The following METTL22 variants were observed in gnomAD, a reference collection of about 807,000 sequenced individuals.
METTL22 encodes methyltransferase-like protein 22.
Under a neutral mutation model 48.4 loss-of-function variants are expected in METTL22, and 51 were observed. The ratio of observed to expected loss-of-function variants is 1.05; its 90% confidence interval spans 0.84 to 1.33. The LOEUF is 1.33. METTL22 is among the 40% of genes most tolerant of loss of function. The pLI, the probability that METTL22 is intolerant of heterozygous loss-of-function variation, is 0.00. For synonymous variants in METTL22, 255 were observed against 214.1 expected (o/e 1.19, Z -1.67); for missense variants, 678 against 526.9 (o/e 1.29, Z -2.81).
the METTL22 span, among the ~76,000 whole-genome samples, chr16:8,656,524 A>G: frequency 6.6e-6 from 1 of 152,246 alleles, no homozygotes; most frequent in Admixed American, 6.5e-5. Context: ...CTTGCAGAGT[A>G]AGATTCTCTG....
chr16:8,650,432 T>C (rs1221796931), downstream of METTL22, among the ~76,000 whole-genome samples: 1 of 152,272 alleles, frequency 6.6e-6, no homozygotes, highest in Non-Finnish European at 1.5e-5. Context: ...CTAGCCTCTC[T>C]GAACCTGAGT....
chr16:8,635,528 G>A (rs1258912534), intron 5 of METTL22, among the ~76,000 whole-genome samples: 1 of 152,176 alleles, frequency 6.6e-6, no homozygotes, highest in Non-Finnish European at 1.5e-5. Context: ...TCACCCAGTG[G>A]CTATAAGGCC....
intron 6 of METTL22, 79 bp downstream of exon 6, chr16:8,639,241 T>A: frequency 2.8e-6 from 4 of 1,412,978 alleles, no homozygotes; most frequent in African/African-American, 1.4e-5. Context: ...GACCATGACA[T>A]TGGGAGGCAG....
chr16:8,656,230 C>A, the METTL22 span, among the ~76,000 whole-genome samples: 1 of 152,174 alleles, frequency 6.6e-6, no homozygotes, highest in African/African-American at 2.4e-5. Flanking sequence ...TACAGGTGTG[C>A]ACCACTGTTC....
At chr16:8,652,320 G>A (rs777084159), downstream of METTL22, among the ~76,000 whole-genome samples, 2 of 151,632 alleles carry the variant, frequency 1.3e-5, no homozygotes, top group African/African-American at 4.8e-5. Context: ...TTAGCCGGGC[G>A]TGGTGGTGCA....
intron 6 of METTL22, chr16:8,639,670 C>G (rs1251783181): frequency 5.7e-6 from 1 of 176,932 alleles, no homozygotes; most frequent in Non-Finnish European, 1.2e-5. Flanking sequence ...CCAGGACTCA[C>G]TCACAGGCCA....
chr16:8,652,778 C>G (rs2056918505), downstream of METTL22, among the ~76,000 whole-genome samples: 1 of 152,070 alleles, frequency 6.6e-6, no homozygotes, highest in South Asian at 2.1e-4. Context: ...ATGGAAATAT[C>G]AGTAGGTAAC....
rs1371894226 is a variant in METTL22, at chr16:8,648,908, C to T, written c.*2765C>T. ...GAAGCTCTGGGGCCTACCACATAGCCCTCAACCTATTGCTGTTTTCTAAAA... is the reference window on the plus strand; with the variant it reads ...GAAGCTCTGGGGCCTACCACATAGCTCTCAACCTATTGCTGTTTTCTAAAA... On this transcript the variant is annotated 3_prime_UTR_variant, in exon 11 of 11. Coordinates refer to ENST00000381920, the MANE Select transcript of METTL22 (RefSeq NM_024109.4). 1 of 152,244 alleles carries T rather than the reference C, an allele frequency of 6.6e-6. No homozygotes were observed. The highest frequency in any genetic ancestry group is 2.4e-5 in the African/African-American group (1 of 41,450). The allele number at this position is 152,244 out of a possible 1,614,324, so 9.4% of individuals were successfully genotyped here. A position where few individuals can be genotyped will look rare whatever the true frequency, so the allele number is the denominator to read the frequency against.
chr16:8,629,442 T>G (rs1169523731), intron 3 of METTL22, among the ~76,000 whole-genome samples: 1 of 152,196 alleles, frequency 6.6e-6, no homozygotes, highest in South Asian at 2.1e-4. Flanking sequence ...TGCTGCTGCC[T>G]CCCACATCTG....
At chr16:8,652,993 C>T (rs540171553), downstream of METTL22, among the ~76,000 whole-genome samples, 27 of 152,320 alleles carry the variant, frequency 1.8e-4, no homozygotes, top group Non-Finnish European at 3.5e-4. Flanking sequence ...TAGATTAAAG[C>T]CTGTTGCATC....
rs2056611839 is a variant in METTL22, at chr16:8,641,348, C to T, written c.826+164C>T. The T allele has an allele frequency of 8.3e-6, 6 of 723,732 alleles. No homozygotes were observed. The Admixed American group carries it at 1.2e-4, about 15-fold the overall frequency. 44.8% of individuals were successfully genotyped at this position (723,732 alleles called of 1,614,324 possible). ...CCATTGGCCGATGAGCACCAGCTGT[C>T]ATTCTCTGAGCGCCTGCTGCATGCT... On this transcript the variant is annotated intron_variant, in intron 7 of 10. Transcript: ENST00000381920.
chr16:8,650,764 C>G (rs1040244154), downstream of METTL22, among the ~76,000 whole-genome samples: 8 of 152,328 alleles, frequency 5.3e-5, no homozygotes, highest in African/African-American at 1.9e-4. Flanking sequence ...GTGGCTCATG[C>G]GTGTAATCCC....
At chr16:8,638,847 A>G (rs1260510772) in intron 5 of METTL22, among the ~76,000 whole-genome samples, 4 of 151,938 alleles carry the variant, frequency 2.6e-5, no homozygotes, top group Admixed American at 6.6e-5. Flanking sequence ...GGGAGCTCAC[A>G]CTCCTTCCCT....
In METTL22 at chr16:8,647,666, TG is replaced by T. The variant is rs1472495244; in HGVS notation, c.*1524del. The T allele has an allele frequency of 6.6e-6, 1 of 152,242 alleles. No individual in the cohort carries two copies. The highest frequency in any genetic ancestry group is 1.5e-5 in the Non-Finnish European group (1 of 68,064). The allele number at this position is 152,242 out of a possible 1,614,324, so 9.4% of individuals were successfully genotyped here. ...GAGTAGCGCCGAGGCGGAGAAATCC[TG>T]ACTTGGAAGAAGAAAGCCAAGTACT... On this transcript the variant is annotated 3_prime_UTR_variant, in exon 11 of 11. Transcript: ENST00000381920.
At chr16:8,640,950 G>C (rs62030896) in intron 6 of METTL22, among the ~76,000 whole-genome samples, 181 bp from the exon 7 acceptor site, 8,122 of 33,330 alleles carry the variant, frequency 0.24, 1,176 homozygotes, top group Middle Eastern at 0.37. Flanking sequence ...GGATGGGTGG[G>C]TGGATGGCTG....
At chr16:8,637,724 A>G (rs967914550) in intron 5 of METTL22, among the ~76,000 whole-genome samples, 3 of 152,192 alleles carry the variant, frequency 2.0e-5, no homozygotes, top group Admixed American at 6.5e-5. Flanking sequence ...TGGCCGAGGG[A>G]TGCTGGGGAG....
In METTL22 at chr16:8,629,090, C is replaced by T. The variant is rs763287711; in HGVS notation, c.494C>T (p.Pro165Leu). The change falls in exon 3 of 11, where the codon CCG (proline) becomes CTG (leucine). Residue 165 changes from proline (P) to leucine (L), a missense_variant. Pro to Leu is a moderately conservative substitution (Grantham distance 98). Transcript: ENST00000381920. ...DVLGEEAQGSPHDIIRIEHTM... is the reference protein window; with the variant it reads ...DVLGEEAQGSLHDIIRIEHTM... ...CTGGGAGAGGAAGCACAAGGCAGCC[C>T]GCACGATATCATCAGAATAGGTAAA... 3.0e-5 allele frequency: 49 copies of T among 1,613,158 alleles called. No homozygotes were observed. Among genetic ancestry groups the T allele is most frequent in the Admixed American group, 5.0e-5 (3 of 59,994 alleles).
chr16:8,622,862 C>G (rs1048649742), intron 1 of METTL22, among the ~76,000 whole-genome samples: 1 of 152,088 alleles, frequency 6.6e-6, no homozygotes, highest in Non-Finnish European at 1.5e-5. Context: ...CTTGGGAAGC[C>G]TGGTTGGGTT....
At chr16:8,654,892 A>G in the METTL22 span, among the ~76,000 whole-genome samples, 1 of 152,190 alleles carries the variant, frequency 6.6e-6, no homozygotes, top group Non-Finnish European at 1.5e-5. Context: ...GTTCCACCAT[A>G]AGTTTTATCC....
Sources: allele counts gnomAD v4.1 joint callset (sites outside exome capture counted in the v4.1 genomes callset), GRCh38; gene constraint gnomAD v4.1.1; transcripts MANE v1.5; gene names NCBI Gene and HGNC (gene_info 2026-07-23, HGNC 2026-07-21).